The following ABTB3 variants were observed in gnomAD, a reference collection of about 807,000 sequenced individuals.
ABTB3 encodes ankyrin repeat and BTB domain containing 3.
chr12:107,490,148 AC>A, the ABTB3 span, among the ~76,000 whole-genome samples: 10 of 152,208 alleles, frequency 6.6e-5, no homozygotes, highest in South Asian at 1.2e-3. Flanking sequence ...TGAGAGAGCA[AC>A]CCCCAATTCA....
the ABTB3 span, among the ~76,000 whole-genome samples, chr12:107,414,778 C>G: frequency 1.3e-5 from 2 of 149,214 alleles, no homozygotes; most frequent in South Asian, 4.2e-4. Flanking sequence ...AGTGCAGTGG[C>G]GCAATCTCAG....
chr12:107,325,875 T>G, the ABTB3 span, among the ~76,000 whole-genome samples: 1 of 152,242 alleles, frequency 6.6e-6, no homozygotes, highest in Non-Finnish European at 1.5e-5. Flanking sequence ...AAGAGCTTTA[T>G]GTATTATAAT....
the ABTB3 span, among the ~76,000 whole-genome samples, chr12:107,431,330 G>A: frequency 2.0e-5 from 3 of 152,134 alleles, no homozygotes; most frequent in African/African-American, 7.2e-5. Context: ...GTCAATCCAG[G>A]CCAGGCATGG....
the ABTB3 span, among the ~76,000 whole-genome samples, chr12:107,638,272 G>T: frequency 6.6e-6 from 1 of 152,118 alleles, no homozygotes; most frequent in Admixed American, 6.5e-5. Flanking sequence ...GGCAGCACAG[G>T]GTTCAGGGTC....
chr12:107,514,069 G>A, the ABTB3 span, among the ~76,000 whole-genome samples: 8 of 152,310 alleles, frequency 5.3e-5, no homozygotes, highest in African/African-American at 1.9e-4. Context: ...TTTAATCCCT[G>A]CAATAAACCT....
chr12:107,410,366 C>A, the ABTB3 span, among the ~76,000 whole-genome samples: 1 of 151,736 alleles, frequency 6.6e-6, no homozygotes, highest in African/African-American at 2.4e-5. Flanking sequence ...TAGGAGGGAG[C>A]AGAGTTGAGG....
the ABTB3 span, among the ~76,000 whole-genome samples, chr12:107,617,969 A>C: frequency 6.6e-6 from 1 of 152,098 alleles, no homozygotes; most frequent in Non-Finnish European, 1.5e-5. Context: ...AAGGCCAGTC[A>C]TGCCCCATCA....
the ABTB3 span, among the ~76,000 whole-genome samples, chr12:107,367,413 G>A: frequency 4.6e-5 from 7 of 152,182 alleles, no homozygotes; most frequent in African/African-American, 1.4e-4. Context: ...TCAACAGAGG[G>A]TTGAATTATT....
At chr12:107,403,518 C>T in the ABTB3 span, among the ~76,000 whole-genome samples, 1 of 152,190 alleles carries the variant, frequency 6.6e-6, no homozygotes, top group Non-Finnish European at 1.5e-5. Context: ...CTACAGATAC[C>T]TAGTGATACT....
At chr12:107,619,831 G>A in the ABTB3 span, among the ~76,000 whole-genome samples, 24 of 152,248 alleles carry the variant, frequency 1.6e-4, no homozygotes, top group Non-Finnish European at 2.9e-4. Context: ...GGTTCTGTTC[G>A]TTGAAAGTCA....
At chr12:107,401,937 C>A in the ABTB3 span, among the ~76,000 whole-genome samples, 10 of 131,030 alleles carry the variant, frequency 7.6e-5, 1 homozygote, top group African/African-American at 2.9e-4. Context: ...TTTTTGCTGC[C>A]TTCTCCTGCC....
chr12:107,334,965 T>C, the ABTB3 span, among the ~76,000 whole-genome samples: 32 of 152,250 alleles, frequency 2.1e-4, no homozygotes, highest in African/African-American at 7.7e-4. Flanking sequence ...TCTGCAACCC[T>C]TGGGGACTGT....
chr12:107,532,704 C>G, the ABTB3 span, among the ~76,000 whole-genome samples: 3 of 152,056 alleles, frequency 2.0e-5, no homozygotes, highest in Non-Finnish European at 2.9e-5. Context: ...CAAAAAGGTC[C>G]CCTCTGGGGC....
At chr12:107,611,110 A>T in the ABTB3 span, among the ~76,000 whole-genome samples, 2 of 152,176 alleles carry the variant, frequency 1.3e-5, no homozygotes, top group South Asian at 2.1e-4. Flanking sequence ...ACACACAAAC[A>T]CAGACATACA....
chr12:107,582,743 C>T, the ABTB3 span, among the ~76,000 whole-genome samples: 360 of 152,316 alleles, frequency 2.4e-3, 2 homozygotes, highest in African/African-American at 8.2e-3. Context: ...TGGTCCTACT[C>T]TAAGTCCAGC....
the ABTB3 span, among the ~76,000 whole-genome samples, chr12:107,564,790 A>G: frequency 6.6e-6 from 1 of 152,236 alleles, no homozygotes. Context: ...ACACTCAAGC[A>G]TTATAATAAT....
chr12:107,339,045 C>A, the ABTB3 span, among the ~76,000 whole-genome samples: 7 of 152,126 alleles, frequency 4.6e-5, no homozygotes, highest in African/African-American at 9.7e-5. Context: ...GTTAGGAAGT[C>A]CATGGAATGT....
At chr12:107,371,093 C>A in the ABTB3 span, among the ~76,000 whole-genome samples, 2 of 152,024 alleles carry the variant, frequency 1.3e-5, no homozygotes, top group Non-Finnish European at 2.9e-5. Flanking sequence ...TTCCCCCCAA[C>A]CTTATGATAT....
At chr12:107,448,887 T>C in the ABTB3 span, among the ~76,000 whole-genome samples, 2 of 152,166 alleles carry the variant, frequency 1.3e-5, no homozygotes, top group African/African-American at 2.4e-5. Context: ...CCTCTACTCA[T>C]TGTGGGGCTC....
Sources: gnomAD v4.1 joint callset for allele counts (sites outside exome capture counted in the v4.1 genomes callset) on GRCh38, gnomAD v4.1.1 for gene constraint, MANE v1.5 for transcripts, NCBI Gene and HGNC (gene_info 2026-07-23, HGNC 2026-07-21) for gene names.